The following MZT1 variants were observed in gnomAD, a reference collection of about 807,000 sequenced individuals.
MZT1 encodes the protein mitotic spindle organizing protein 1.
In MZT1, 8 loss-of-function variants were observed where a neutral mutation model predicts 8.5. The observed-to-expected ratio is 0.94, with a 90% CI of 0.55 to 1.70. The LOEUF (loss-of-function observed/expected upper bound fraction) is 1.70, where lower values mean the gene tolerates loss of function less well. Among genes scored for constraint, MZT1 ranks in the 40% most tolerant of loss-of-function variants. MZT1 has a pLI of 0.00. For missense variants in MZT1, 93 were observed against 108.6 expected, an observed-to-expected ratio of 0.86 and a Z score of 0.64; for synonymous variants, 38 against 42.0, an observed-to-expected ratio of 0.90 and a Z score of 0.37.
intron 2 of MZT1, among the ~76,000 whole-genome samples, chr13:72,714,617 C>T (rs948563892): frequency 2.6e-5 from 4 of 152,360 alleles, no homozygotes; most frequent in South Asian, 2.1e-4. Flanking sequence ...CTCAGGGCCC[C>T]GCAGCCCTCC....
chr13:72,712,860 C>T (rs995055253), intron 2 of MZT1, among the ~76,000 whole-genome samples: 2 of 152,140 alleles, frequency 1.3e-5, no homozygotes, highest in African/African-American at 4.8e-5. Context: ...CTTTCAAATT[C>T]AAGCACAGTA....
rs2032566999 is a variant in MZT1, at chr13:72,718,987, T to C, written c.190A>G (p.Ile64Val). The C allele has an allele frequency of 1.3e-6, 2 of 1,588,226 alleles. No homozygotes were observed. Among genetic ancestry groups the C allele is most frequent in the East Asian group, 4.6e-5 (2 of 43,784 alleles). ...GINPEALSSVIKELRKATEAL... is the reference protein window; with the variant it reads ...GINPEALSSVVKELRKATEAL... ...TCAGTAGCCTTGCGAAGCTCCTTAA[T>C]AACCGATGATAAAGCTTCTGGGTTA... Residue 64 changes from isoleucine to valine, a missense_variant, in exon 2 of 3, where the codon ATT becomes GTT. Physicochemically the swap from Ile to Val is conservative, Grantham distance 29. Transcript: ENST00000377818.
intron 1 of MZT1, among the ~76,000 whole-genome samples, chr13:72,724,639 A>G (rs1410678651): frequency 7.5e-6 from 1 of 134,042 alleles, no homozygotes; most frequent in African/African-American, 2.7e-5. Context: ...CCCAGGTTCA[A>G]GCGATTCTCC....
intron 2 of MZT1, among the ~76,000 whole-genome samples, chr13:72,714,510 A>T (rs2032516268): frequency 6.6e-6 from 1 of 152,222 alleles, no homozygotes; most frequent in Non-Finnish European, 1.5e-5. Context: ...AGCCAAGATA[A>T]TGGGTAAAAG....
chr13:72,723,381 C>T (rs138146322), intron 1 of MZT1, among the ~76,000 whole-genome samples: 1 of 152,222 alleles, frequency 6.6e-6, no homozygotes, highest in East Asian at 1.9e-4. Context: ...CTCCTAATTC[C>T]AAAATCTGAA....
At position 72,721,936 on chromosome 13, in the gene MZT1, A is replaced by G. The variant is rs371770479; in HGVS notation, c.80-2839T>C. Among the ~76,000 whole-genome samples, 64 of 152,250 alleles carry G rather than the reference A, an allele frequency of 4.2e-4. No individual in the cohort carries two copies. The East Asian group carries it at 9.5e-3, about 23-fold the overall frequency. On this transcript the variant is annotated intron_variant, in intron 1 of 2. Coordinates refer to ENST00000377818, the MANE Select transcript of MZT1 (RefSeq NM_001071775.3). ...TTCAGCTGTATCCAGCCTGTTATTCATATTATCTGCTGAATTTATTTCAAA... is the reference window on the plus strand; with the variant it reads ...TTCAGCTGTATCCAGCCTGTTATTCGTATTATCTGCTGAATTTATTTCAAA...
In MZT1 at chr13:72,710,238, T is replaced by C. The variant is rs1291716765; in HGVS notation, c.*84A>G. ...TTTTCTACACTGCTGCATGCAGTAA[T>C]TTCATTGTACATTCTCAACTACAAT... On this transcript the variant is annotated 3_prime_UTR_variant, in exon 3 of 3. Coordinates refer to ENST00000377818, the MANE Select transcript of MZT1 (RefSeq NM_001071775.3). The C allele has an allele frequency of 1.6e-5, 23 of 1,436,140 alleles. No homozygotes were observed. In the Admixed American group the frequency reaches 3.4e-4, roughly 21 times the overall value. 89.0% of individuals were successfully genotyped at this position (1,436,140 alleles called of 1,614,324 possible).
chr13:72,721,546 G>A (rs78481696), intron 1 of MZT1, among the ~76,000 whole-genome samples: 8,539 of 152,232 alleles, frequency 0.056, 299 homozygotes, highest in East Asian at 0.1. Context: ...TCCCCTCTCA[G>A]GTACTGTTAT....
intron 2 of MZT1, among the ~76,000 whole-genome samples, chr13:72,714,797 TG>T (rs2032518977): frequency 6.6e-6 from 1 of 152,252 alleles, no homozygotes; most frequent in Non-Finnish European, 1.5e-5. Context: ...GGCTGAGGCT[TG>T]GCAGCCTCCA....
chr13:72,726,475 G>A (rs1180693658), intron 1 of MZT1, among the ~76,000 whole-genome samples: 4 of 152,076 alleles, frequency 2.6e-5, no homozygotes, highest in South Asian at 2.1e-4. Flanking sequence ...GAGAGATACA[G>A]CAGTGAGAAT....
chr13:72,718,872 T>A, intron 2 of MZT1, 80 bp downstream of exon 2: 1 of 1,341,774 alleles, frequency 7.5e-7, no homozygotes, highest in Non-Finnish European at 9.9e-7. Flanking sequence ...TTAACCAGGA[T>A]GTTTCCCATA....
Position 72,727,515 on chromosome 13 carries a change from G to C in MZT1, c.79+9C>G, listed in dbSNP as rs376877243. 1.2e-5 allele frequency: 19 copies of C among 1,613,346 alleles called. No homozygotes were observed. Among genetic ancestry groups the C allele is most frequent in the Non-Finnish European group, 1.4e-5 (17 of 1,179,528 alleles). Reference sequence around the variant, plus strand: ...CACGCAAGGTAAAGGGAGCGCAACGGAAACTCACCGTCCATGGTCTCCCGC... The same window carrying C: ...CACGCAAGGTAAAGGGAGCGCAACGCAAACTCACCGTCCATGGTCTCCCGC... On this transcript the variant is annotated intron_variant, in intron 1 of 2. Coordinates refer to ENST00000377818, the MANE Select transcript of MZT1 (RefSeq NM_001071775.3).
intron 1 of MZT1, among the ~76,000 whole-genome samples, chr13:72,726,468 A>G (rs2032659308): frequency 1.3e-5 from 2 of 152,084 alleles, no homozygotes; most frequent in African/African-American, 2.4e-5. Flanking sequence ...AAGGAGAGAG[A>G]GATACAGCAG....
chr13:72,722,317 A>G (rs910853033), intron 1 of MZT1, among the ~76,000 whole-genome samples: 25 of 152,244 alleles, frequency 1.6e-4, no homozygotes, highest in African/African-American at 5.8e-4. Context: ...GTGAGAATTA[A>G]AGGATACACT....
chr13:72,727,472 G>T (rs1395783519), intron 1 of MZT1, 52 bp downstream of exon 1: 1 of 1,567,924 alleles, frequency 6.4e-7, no homozygotes, highest in Non-Finnish European at 8.8e-7. Flanking sequence ...CCGCCTGGGG[G>T]CCTTGGCTCT....
At chr13:72,710,825 A>C (rs2032482381) in intron 2 of MZT1, among the ~76,000 whole-genome samples, 1 of 152,186 alleles carries the variant, frequency 6.6e-6, no homozygotes, top group Non-Finnish European at 1.5e-5. Context: ...GATTCTGAAG[A>C]AATTCCAAGA....
chr13:72,723,455 C>T (rs1593799037), intron 1 of MZT1, among the ~76,000 whole-genome samples: 2 of 152,110 alleles, frequency 1.3e-5, no homozygotes, highest in South Asian at 4.1e-4. Flanking sequence ...TGGAAAATTC[C>T]ACACCTCATA....
At chr13:72,714,754 T>C (rs569086433) in intron 2 of MZT1, among the ~76,000 whole-genome samples, 2 of 152,216 alleles carry the variant, frequency 1.3e-5, no homozygotes, top group Non-Finnish European at 2.9e-5. Context: ...GACTTTCATG[T>C]GGTGTCAAGC....
At chr13:72,717,020 G>A (rs962967399) in intron 2 of MZT1, among the ~76,000 whole-genome samples, 1 of 152,186 alleles carries the variant, frequency 6.6e-6, no homozygotes, top group Non-Finnish European at 1.5e-5. Context: ...CAGTGTTTGT[G>A]TTGAGATGGT....
Sources: allele counts gnomAD v4.1 joint callset (sites outside exome capture counted in the v4.1 genomes callset), GRCh38; gene constraint gnomAD v4.1.1; transcripts MANE v1.5; gene names NCBI Gene and HGNC (gene_info 2026-07-23, HGNC 2026-07-21).